The following CDH8 variants were observed in gnomAD, a reference collection of about 807,000 sequenced individuals.
CDH8 encodes cadherin-8.
CDH8 carries 17 observed loss-of-function variants against 68.1 expected under a neutral mutation model. The ratio of observed to expected loss-of-function variants is 0.25; its 90% CI spans 0.17 to 0.37. The LOEUF is 0.37. CDH8 is among the 10% of genes least tolerant of loss of function. The pLI is 1.00. For missense variants in CDH8, 763 were observed against 999.3 expected (o/e 0.76, Z 3.19); for synonymous variants, 372 against 365.1 (o/e 1.02, Z -0.21).
chr16:61,918,188 C>G (rs1964280209), intron 2 of CDH8: 1 of 152,006 alleles, frequency 6.6e-6, no homozygotes, highest in Non-Finnish European at 1.5e-5. Context: ...TAACTCTCAG[C>G]CCTATGTACT....
At chr16:61,717,415 C>T (rs1238813941) in intron 9 of CDH8, among the ~76,000 whole-genome samples, 3 of 151,418 alleles carry the variant, frequency 2.0e-5, no homozygotes, top group African/African-American at 7.3e-5. Flanking sequence ...AACTAGAAAA[C>T]AATTGTGTGC....
chr16:61,961,582 T>C (rs1160030934), intron 2 of CDH8, among the ~76,000 whole-genome samples: 1 of 152,208 alleles, frequency 6.6e-6, no homozygotes. Context: ...TCTGCTCTCC[T>C]GTTTCCTCTT....
intron 5 of CDH8, among the ~76,000 whole-genome samples, chr16:61,822,205 C>CCTTT (rs1962230457): frequency 4.4e-5 from 2 of 45,630 alleles, no homozygotes; most frequent in African/African-American, 2.2e-4. Flanking sequence ...AAAAACGCAC[C>CCTTT]TTTTTTTTTT....
intron 3 of CDH8, among the ~76,000 whole-genome samples, chr16:61,879,174 C>A (rs1963520819): frequency 6.6e-6 from 1 of 152,112 alleles, no homozygotes; most frequent in Non-Finnish European, 1.5e-5. Flanking sequence ...GCTCTTACCT[C>A]TGATGACAAC....
intron 8 of CDH8, among the ~76,000 whole-genome samples, chr16:61,764,083 A>G (rs1026203476): frequency 3.9e-5 from 6 of 152,172 alleles, no homozygotes; most frequent in African/African-American, 1.4e-4. Context: ...TGGGCCAGGC[A>G]TAGTGAAATG....
At position 61,782,790 on chromosome 16, in the gene CDH8, T is replaced by C. The variant is rs370578220; in HGVS notation, c.1414+6556A>G. ...AAGTGGGTCCCTGACCCCTGACCCC[T>C]GAGCAGCCTAACTGGGAGGCACCCC... On this transcript the variant is annotated intron_variant, in intron 8 of 11. Coordinates refer to ENST00000577390, the MANE Select transcript of CDH8 (RefSeq NM_001796.5). Among the ~76,000 whole-genome samples, 864 of 151,968 alleles carry C rather than the reference T, an allele frequency of 5.7e-3. 5 individuals are homozygous for C. Among genetic ancestry groups the C allele is most frequent in the African/African-American group, 0.012 (481 of 41,462 alleles).
At chr16:61,937,345 A>C (rs532958912) in intron 2 of CDH8, among the ~76,000 whole-genome samples, 1 of 152,318 alleles carries the variant, frequency 6.6e-6, no homozygotes, top group African/African-American at 2.4e-5. Context: ...CTAGAACAGA[A>C]GGAAACCACC....
At chr16:61,897,034 G>A (rs868031326) in intron 3 of CDH8, among the ~76,000 whole-genome samples, 50 of 149,172 alleles carry the variant, frequency 3.4e-4, no homozygotes, top group African/African-American at 1.2e-3. Flanking sequence ...AAGATATGTC[G>A]CAGGCTAAAG....
chr16:61,743,798 C>T lies in CDH8; in HGVS notation c.1415-16583G>A, dbSNP rs181620887. 3.9e-4 allele frequency among the ~76,000 whole-genome samples: 60 copies of T among 152,126 alleles called. 1 individual carries two copies. Among genetic ancestry groups the T allele is most frequent in the Middle Eastern group, 6.8e-3 (2 of 294 alleles). ...AATGTAGACACTTAAGGTCAATTTCCCTGTAGGCACTCTGTTAACTCTATT... is the reference window on the plus strand; with the variant it reads ...AATGTAGACACTTAAGGTCAATTTCTCTGTAGGCACTCTGTTAACTCTATT... On this transcript the variant is annotated intron_variant, in intron 8 of 11. Transcript: ENST00000577390.
chr16:61,671,463 TA>T (rs35642686), intron 10 of CDH8, among the ~76,000 whole-genome samples: 2,290 of 129,158 alleles, frequency 0.018, 36 homozygotes, highest in African/African-American at 0.046. Context: ...AAATAGCTGC[TA>T]AAAAAAAAAA....
At chr16:61,820,314 G>GTATTT (rs1962181650) in intron 6 of CDH8, among the ~76,000 whole-genome samples, 4 of 90,762 alleles carry the variant, frequency 4.4e-5, no homozygotes, top group Non-Finnish European at 8.2e-5. Flanking sequence ...TGCCTGTTTG[G>GTATTT]TTTTTTTTTT....
rs144913079 is a variant in CDH8 at position 61,923,116 on chromosome 16, T to A, written c.253-21643A>T. Among the ~76,000 whole-genome samples, 20 of 152,308 alleles carry A rather than the reference T, an allele frequency of 1.3e-4. No homozygotes were observed. The East Asian group carries it at 2.9e-3, about 22-fold the overall frequency. The stretch of plus-strand genomic sequence containing the variant: ...CGGTAACAAAATACATTGTGTCATG[T>A]TTCTACCAATAATTCATATATGATA... On this transcript the variant is annotated intron_variant, in intron 2 of 11. Coordinates refer to ENST00000577390, the MANE Select transcript of CDH8 (RefSeq NM_001796.5).
intron 2 of CDH8, among the ~76,000 whole-genome samples, chr16:61,921,291 T>C (rs1232021614): frequency 6.7e-6 from 1 of 149,270 alleles, no homozygotes; most frequent in African/African-American, 2.5e-5. Context: ...AAAAAAAGAG[T>C]GTAGCCTGAT....
Position 61,655,663 on chromosome 16 carries a change from G to T in CDH8, c.1713C>A (p.Val571=), listed in dbSNP as rs760455016. The T allele has an allele frequency of 6.2e-7, 1 of 1,613,984 alleles. No individual in the cohort carries two copies. The highest frequency in any genetic ancestry group is 8.5e-7 in the Non-Finnish European group (1 of 1,179,874). The change falls in exon 11 of 12, where the codon GTC becomes GTA. Residue 571 remains valine, a synonymous_variant. Transcript: ENST00000577390. The part of the protein sequence containing the change: ...HNGFNRQKQE[V]YLLPIIISDS... ...CACTGATTATGATTGGTAAAAGATA[G>T]ACTTCTTGCTTCTGGCGGTTGAATC...
intron 10 of CDH8, among the ~76,000 whole-genome samples, chr16:61,668,384 AC>A (rs1185899360): frequency 6.6e-6 from 1 of 151,838 alleles, no homozygotes; most frequent in Non-Finnish European, 1.5e-5. Flanking sequence ...TGCTCCACGC[AC>A]CTTTTGCAGA....
At chr16:61,701,175 A>G (rs1376952008) in intron 10 of CDH8, among the ~76,000 whole-genome samples, 1 of 152,192 alleles carries the variant, frequency 6.6e-6, no homozygotes, top group Non-Finnish European at 1.5e-5. Flanking sequence ...CAAATGGGTC[A>G]CTAGACTACC....
chr16:62,008,775 G>A (rs1218996622), intron 2 of CDH8, among the ~76,000 whole-genome samples: 1 of 152,112 alleles, frequency 6.6e-6, no homozygotes, highest in Non-Finnish European at 1.5e-5. Context: ...GAGAGTACTT[G>A]AAAAACAGTG....
At chr16:61,987,111 T>A (rs992445820) in intron 2 of CDH8, among the ~76,000 whole-genome samples, 4 of 152,200 alleles carry the variant, frequency 2.6e-5, no homozygotes, top group Non-Finnish European at 5.9e-5. Context: ...CCGATGCTAA[T>A]TCATAATAAA....
intron 8 of CDH8, among the ~76,000 whole-genome samples, chr16:61,781,876 T>G: frequency 6.6e-6 from 1 of 152,176 alleles, no homozygotes; most frequent in East Asian, 1.9e-4. Flanking sequence ...TTTATTTGCT[T>G]CTTCTCTTCA....
Sources: allele counts gnomAD v4.1 joint callset (sites outside exome capture counted in the v4.1 genomes callset), GRCh38; gene constraint gnomAD v4.1.1; transcripts MANE v1.5; gene names NCBI Gene and HGNC (gene_info 2026-07-23, HGNC 2026-07-21).